CEP83: variants seen among roughly 807,000 people sequenced by gnomAD.
CEP83 encodes centrosomal protein 83.
CEP83 carries 70 observed loss-of-function variants against 101.9 expected under a neutral mutation model. That is an observed-to-expected ratio of 0.69 (90% CI 0.57 to 0.84). The LOEUF is 0.84. Among genes scored for constraint, CEP83 ranks in the 40% least tolerant of loss-of-function variants. The pLI is 0.00. For missense variants in CEP83, 715 were observed against 787.2 expected (o/e 0.91, Z 1.10); for synonymous variants, 264 against 267.9 (o/e 0.99, Z 0.14).
At chr12:94,344,084 C>A (rs1222099295) in intron 11 of CEP83, among the ~76,000 whole-genome samples, 2 of 152,122 alleles carry the variant, frequency 1.3e-5, no homozygotes, top group African/African-American at 4.8e-5. Context: ...CCAAGCCAGG[C>A]AATACCTTAA....
rs2061102076 is a variant in CEP83, at chr12:94,367,926, C to T, written c.1211G>A (p.Arg404Lys). ...TTTCATTTTCTCCAAATCTGCTAAT[C>T]TGTTCTCGAGTTCTAACCTAAAACA... ...LQDEKLELENRLADLEKMKVE... is the reference protein window; with the variant it reads ...LQDEKLELENKLADLEKMKVE... Residue 404 changes from arginine to lysine, a missense_variant, in exon 11 of 17, where the codon AGA (arginine) becomes AAA (lysine). Transcript: ENST00000397809. 1 of 1,613,400 alleles carries T rather than the reference C, an allele frequency of 6.2e-7. No individual in the cohort carries two copies. Among genetic ancestry groups the T allele is most frequent in the Admixed American group, 1.7e-5 (1 of 59,982 alleles).
At chr12:94,270,655 A>T in the CEP83 span, among the ~76,000 whole-genome samples, 1 of 152,160 alleles carries the variant, frequency 6.6e-6, no homozygotes, top group African/African-American at 2.4e-5. Flanking sequence ...GGGCTAAATC[A>T]GACAGCTCTT....
At chr12:94,439,686 T>A (rs1566212739) in intron 1 of CEP83, among the ~76,000 whole-genome samples, 1 of 152,046 alleles carries the variant, frequency 6.6e-6, no homozygotes, top group Non-Finnish European at 1.5e-5. Context: ...CCCTAAATCA[T>A]TCTATGAAGC....
At chr12:94,303,712 T>TTAAA, downstream of CEP83, 2 of 1,102,544 alleles carry the variant, frequency 1.8e-6, no homozygotes, top group Non-Finnish European at 2.4e-6. Flanking sequence ...TTTTTTTTTT[T>TTAAA]ACTCTTTTGG....
At chr12:94,446,302 G>A (rs1215177226) in intron 1 of CEP83, among the ~76,000 whole-genome samples, 1 of 152,104 alleles carries the variant, frequency 6.6e-6, no homozygotes, top group African/African-American at 2.4e-5. Flanking sequence ...GATGTTTTTT[G>A]ACCAGAGATA....
At chr12:94,355,699 G>T (rs1240403564) in intron 11 of CEP83, among the ~76,000 whole-genome samples, 1 of 152,208 alleles carries the variant, frequency 6.6e-6, no homozygotes, top group African/African-American at 2.4e-5. Context: ...AAGCTGGAAG[G>T]TTGTGGGTTT....
intron 2 of CEP83, among the ~76,000 whole-genome samples, chr12:94,413,806 T>A (rs1013355464): frequency 1.3e-5 from 2 of 150,054 alleles, no homozygotes; most frequent in Admixed American, 6.7e-5. Flanking sequence ...TTAATTTCTT[T>A]CTCTAGTCCC....
At chr12:94,328,803 G>A (rs972265306) in intron 14 of CEP83, among the ~76,000 whole-genome samples, 3 of 152,184 alleles carry the variant, frequency 2.0e-5, no homozygotes, top group Admixed American at 6.5e-5. Flanking sequence ...CAGCGCAGTG[G>A]AAAGAGCACC....
At chr12:94,276,443 C>T in the CEP83 span, among the ~76,000 whole-genome samples, 1 of 116,140 alleles carries the variant, frequency 8.6e-6, no homozygotes, top group East Asian at 2.6e-4. Flanking sequence ...TCTGGAGGGT[C>T]AGGAGGGCTC....
At chr12:94,353,119 A>G (rs968250457) in intron 11 of CEP83, among the ~76,000 whole-genome samples, 7 of 152,218 alleles carry the variant, frequency 4.6e-5, no homozygotes, top group African/African-American at 1.7e-4. Flanking sequence ...AGTCATATAT[A>G]AGAAAATCCC....
chr12:94,327,400 C>A (rs746289554), intron 14 of CEP83, among the ~76,000 whole-genome samples: 1 of 152,160 alleles, frequency 6.6e-6, no homozygotes, highest in Non-Finnish European at 1.5e-5. Context: ...CACCTAGCTC[C>A]TCGTTCTAAG....
intron 4 of CEP83, among the ~76,000 whole-genome samples, chr12:94,408,743 C>A (rs2137725600): frequency 6.6e-6 from 1 of 152,158 alleles, no homozygotes; most frequent in South Asian, 2.1e-4. Context: ...CTATGTCAGG[C>A]TAACTTATTT....
At chr12:94,453,043 A>G (rs1006273590) in intron 1 of CEP83, among the ~76,000 whole-genome samples, 1 of 152,212 alleles carries the variant, frequency 6.6e-6, no homozygotes, top group African/African-American at 2.4e-5. Flanking sequence ...GTTTACATTT[A>G]TAGGACTACA....
chr12:94,288,814 T>C, the CEP83 span, among the ~76,000 whole-genome samples: 3 of 152,260 alleles, frequency 2.0e-5, no homozygotes, highest in Admixed American at 1.3e-4. Flanking sequence ...GCATGTGGAA[T>C]AGAATTCTGT....
rs563282172 is a variant in CEP83 at position 94,381,237 on chromosome 12, C to T, written c.550-2195G>A. On this transcript the variant is annotated intron_variant, in intron 6 of 16. Transcript: ENST00000397809. Reference sequence around the variant, plus strand: ...CTCAGCTCTTTCTTTTTCCGCCATTCTCAATCAGACTTACATGTCATCTTC... The same window carrying T: ...CTCAGCTCTTTCTTTTTCCGCCATTTTCAATCAGACTTACATGTCATCTTC... Among the ~76,000 whole-genome samples the T allele has an allele frequency of 2.6e-5, 4 of 152,178 alleles. No homozygotes were observed. In the South Asian group the frequency reaches 8.3e-4, roughly 31 times the overall value.
intron 2 of CEP83, among the ~76,000 whole-genome samples, chr12:94,434,627 C>A (rs2065867603): frequency 6.6e-6 from 1 of 152,086 alleles, no homozygotes; most frequent in South Asian, 2.1e-4. Context: ...AGTTGAATAT[C>A]CCTTATGTAA....
chr12:94,434,093 T>G (rs978052585), intron 2 of CEP83: 2 of 152,212 alleles, frequency 1.3e-5, no homozygotes, highest in South Asian at 4.1e-4. Flanking sequence ...TTTTGTTCCT[T>G]AAATGTCCAC....
chr12:94,308,506 C>CAA lies in CEP83; in HGVS notation c.*305_*306dup, dbSNP rs568651699. 8.0e-5 allele frequency: 15 copies of CAA among 187,056 alleles called. No homozygotes were observed. The highest frequency in any genetic ancestry group is 1.4e-4 in the East Asian group (1 of 7,146). 11.6% of individuals were successfully genotyped at this position (187,056 alleles called of 1,614,324 possible). Reference sequence around the variant, plus strand: ...GATAGTTATATTTCACTCAAAATGCCAAAAAAAAAAATTCAACAAAGTAAA... The same window carrying CAA: ...GATAGTTATATTTCACTCAAAATGCCAAAAAAAAAAAAATTCAACAAAGTAAA... On this transcript the variant is annotated 3_prime_UTR_variant, in exon 17 of 17. Transcript: ENST00000397809.
the CEP83 span, among the ~76,000 whole-genome samples, chr12:94,291,834 T>G: frequency 6.6e-6 from 1 of 152,130 alleles, no homozygotes; most frequent in Non-Finnish European, 1.5e-5. Flanking sequence ...GATGCTGAGG[T>G]GTGGGCTTCT....
Sources: allele counts gnomAD v4.1 joint callset (sites outside exome capture counted in the v4.1 genomes callset), GRCh38; gene constraint gnomAD v4.1.1; transcripts MANE v1.5; gene names NCBI Gene and HGNC (gene_info 2026-07-23, HGNC 2026-07-21).